LRRC4C: variants seen among roughly 807,000 people sequenced by gnomAD.
LRRC4C encodes the protein leucine rich repeat containing 4C.
LRRC4C carries 5 observed loss-of-function variants against 33.6 expected under a neutral mutation model. The observed-to-expected ratio is 0.15, with a 90% CI of 0.08 to 0.31. The LOEUF is 0.31. Among genes scored for constraint, LRRC4C ranks in the 10% least tolerant of loss-of-function variants. LRRC4C has a pLI of 1.00. For synonymous variants in LRRC4C, 329 were observed against 302.0 expected, an observed-to-expected ratio of 1.09 and a Z score of -0.93; for missense variants, 560 against 796.7, an observed-to-expected ratio of 0.70 and a Z score of 3.58.
At chr11:41,064,362 G>A (rs1279757766) in intron 1 of LRRC4C, among the ~76,000 whole-genome samples, 1 of 152,142 alleles carries the variant, frequency 6.6e-6, no homozygotes, top group Non-Finnish European at 1.5e-5. Flanking sequence ...GGTACAACAT[G>A]TGTCTTTCAG....
chr11:40,450,303 G>A (rs1951825952), intron 3 of LRRC4C, among the ~76,000 whole-genome samples: 1 of 152,066 alleles, frequency 6.6e-6, no homozygotes, highest in South Asian at 2.1e-4. Flanking sequence ...GTGTTTATGT[G>A]TTAAATAGTT....
intron 3 of LRRC4C, among the ~76,000 whole-genome samples, chr11:40,506,273 C>T (rs886384275): frequency 2.8e-4 from 42 of 152,130 alleles, no homozygotes; most frequent in African/African-American, 7.5e-4. Context: ...TCTATGTAGG[C>T]TGTTTCTTTG....
chr11:40,692,948 AT>A (rs1945293722), intron 2 of LRRC4C, among the ~76,000 whole-genome samples: 1 of 152,136 alleles, frequency 6.6e-6, no homozygotes, highest in African/African-American at 2.4e-5. Flanking sequence ...ATTAGAGCAA[AT>A]GCCCTATACA....
chr11:41,136,510 G>C (rs991259507), intron 1 of LRRC4C, among the ~76,000 whole-genome samples: 2 of 152,168 alleles, frequency 1.3e-5, no homozygotes, highest in African/African-American at 4.8e-5. Flanking sequence ...CTAAGACAAA[G>C]AGATACAATT....
At chr11:40,418,653 A>G (rs1181596693) in intron 3 of LRRC4C, among the ~76,000 whole-genome samples, 2 of 152,234 alleles carry the variant, frequency 1.3e-5, no homozygotes, top group African/African-American at 2.4e-5. Context: ...ACAAAGATGC[A>G]TGCACACGTA....
chr11:41,449,121 C>A (rs954593287), intron 1 of LRRC4C, among the ~76,000 whole-genome samples: 6 of 152,270 alleles, frequency 3.9e-5, no homozygotes, highest in South Asian at 2.1e-4. Flanking sequence ...CTGGAGCTAG[C>A]AGAAGCATTG....
At chr11:40,234,968 A>AT (rs1865457374) in intron 5 of LRRC4C, among the ~76,000 whole-genome samples, 1 of 152,144 alleles carries the variant, frequency 6.6e-6, no homozygotes, top group East Asian at 1.9e-4. Flanking sequence ...TAAGTAGCAG[A>AT]TTTTTTCTTT....
intron 1 of LRRC4C, among the ~76,000 whole-genome samples, chr11:40,960,038 A>G (rs2136853340): frequency 6.6e-6 from 1 of 151,682 alleles, no homozygotes; most frequent in Admixed American, 6.6e-5. Context: ...ATCAAATCAA[A>G]GAAAGAACTA....
intron 2 of LRRC4C, among the ~76,000 whole-genome samples, chr11:40,918,424 T>C (rs916042728): frequency 6.6e-6 from 1 of 151,888 alleles, no homozygotes; most frequent in African/African-American, 2.4e-5. Flanking sequence ...ATTTGTAAAA[T>C]GAACAACTTG....
Position 40,534,622 on chromosome 11 carries a change from C to A in LRRC4C, c.-270+113520G>T, listed in dbSNP as rs545736808. Among the ~76,000 whole-genome samples the A allele has an allele frequency of 9.7e-4, 148 of 152,286 alleles. 1 individual carries two copies. Among genetic ancestry groups the A allele is most frequent in the Non-Finnish European group, 1.3e-4 (9 of 68,020 alleles). ...GTAAGCTCTCAATAAATGTTAGCAA[C>A]TCTTGACATTCCTTTTGGTTTTAGG... On this transcript the variant is annotated intron_variant, in intron 3 of 6. Coordinates refer to ENST00000528697, the MANE Select transcript of LRRC4C (RefSeq NM_001258419.2).
intron 1 of LRRC4C, among the ~76,000 whole-genome samples, chr11:41,029,162 G>C (rs16935303): frequency 6.6e-6 from 1 of 151,640 alleles, no homozygotes; most frequent in Non-Finnish European, 1.5e-5. Flanking sequence ...ACTACATTAC[G>C]ATTGAATAGA....
At chr11:41,180,978 G>T (rs755700806) in intron 1 of LRRC4C, among the ~76,000 whole-genome samples, 1 of 151,712 alleles carries the variant, frequency 6.6e-6, no homozygotes, top group African/African-American at 2.4e-5. Context: ...ACATGTATTC[G>T]TGCAGACTCA....
chr11:41,070,986 A>C (rs1302346356), intron 1 of LRRC4C, among the ~76,000 whole-genome samples: 2 of 152,176 alleles, frequency 1.3e-5, no homozygotes, highest in Non-Finnish European at 2.9e-5. Context: ...ACAATAACAA[A>C]GACATAGAAA....
chr11:40,560,823 G>A (rs946736563), intron 3 of LRRC4C, among the ~76,000 whole-genome samples: 1 of 152,130 alleles, frequency 6.6e-6, no homozygotes, highest in African/African-American at 2.4e-5. Flanking sequence ...CAGATAATCT[G>A]CATTTATACA....
Position 41,054,301 on chromosome 11 carries a change from C to T in LRRC4C, c.-495-120578G>A, listed in dbSNP as rs552952101. Among the ~76,000 whole-genome samples the T allele has an allele frequency of 3.3e-5, 5 of 152,174 alleles. No homozygotes were observed. The South Asian group carries it at 8.3e-4, about 25-fold the overall frequency. The stretch of plus-strand genomic sequence containing the variant: ...TGCAGTGAAAATATTCAATTCAAAC[C>T]GGTGAACGTTCATTGGGCAACTTAT... On this transcript the variant is annotated intron_variant, in intron 1 of 6. Transcript: ENST00000528697.
At chr11:40,580,060 T>G (rs1200660344) in intron 3 of LRRC4C, among the ~76,000 whole-genome samples, 3 of 145,334 alleles carry the variant, frequency 2.1e-5, no homozygotes, top group Non-Finnish European at 4.5e-5. Context: ...ACTTTTCAGG[T>G]GTGTGTGTGT....
chr11:40,570,842 A>G (rs1354080591), intron 3 of LRRC4C, among the ~76,000 whole-genome samples: 1 of 152,204 alleles, frequency 6.6e-6, no homozygotes, highest in Non-Finnish European at 1.5e-5. Flanking sequence ...CCAGAAAAAA[A>G]GCATGTAATC....
At chr11:41,305,209 C>T (rs1950457598) in intron 1 of LRRC4C, among the ~76,000 whole-genome samples, 1 of 59,306 alleles carries the variant, frequency 1.7e-5, no homozygotes, top group Admixed American at 1.9e-4. Context: ...CGGCCAGCCG[C>T]CCCGTCCGGG....
chr11:40,635,125 C>T (rs558423065), intron 3 of LRRC4C, among the ~76,000 whole-genome samples: 2 of 152,200 alleles, frequency 1.3e-5, no homozygotes, highest in Admixed American at 6.5e-5. Context: ...GGCAAAATAA[C>T]AAAGCAAATC....
Sources: gnomAD v4.1 joint callset for allele counts (sites outside exome capture counted in the v4.1 genomes callset) on GRCh38, gnomAD v4.1.1 for gene constraint, MANE v1.5 for transcripts, NCBI Gene and HGNC (gene_info 2026-07-23, HGNC 2026-07-21) for gene names.